Variants in G3BP2 observed in about 807,000 individuals in gnomAD.
The protein encoded by G3BP2 is G3BP stress granule assembly factor 2.
A neutral mutation model predicts 56.7 loss-of-function variants in G3BP2; 11 were observed. The ratio of observed to expected loss-of-function variants is 0.19; its 90% CI spans 0.12 to 0.32. G3BP2 has a LOEUF of 0.32. Among genes scored for constraint, G3BP2 ranks in the 10% least tolerant of loss-of-function variants. The pLI, the probability that G3BP2 is intolerant of heterozygous loss-of-function variation, is 1.00. For synonymous variants in G3BP2, 165 were observed against 191.6 expected (o/e 0.86, Z 1.15); for missense variants, 340 against 610.9 (o/e 0.56, Z 4.67).
intron 3 of G3BP2, among the ~76,000 whole-genome samples, chr4:75,682,908 T>C (rs6531841): frequency 0.87 from 131,253 of 151,616 alleles, 56,835 homozygotes; most frequent in East Asian, 0.92. Flanking sequence ...TGCTTGAACC[T>C]GGGAGGCAGA....
intron 3 of G3BP2, among the ~76,000 whole-genome samples, chr4:75,720,264 CA>C (rs1720108269): frequency 6.6e-6 from 1 of 151,174 alleles, no homozygotes; most frequent in African/African-American, 2.4e-5. Flanking sequence ...CCTGTAATCC[CA>C]GCACTCTGGG....
intron 3 of G3BP2, among the ~76,000 whole-genome samples, chr4:75,715,901 T>G (rs1719909491): frequency 6.6e-6 from 1 of 152,014 alleles, no homozygotes; most frequent in South Asian, 2.1e-4. Flanking sequence ...AGTATAGTCA[T>G]TTTTCTCTGA....
chr4:75,687,459 G>A (rs1167400698), intron 3 of G3BP2, among the ~76,000 whole-genome samples: 2 of 152,108 alleles, frequency 1.3e-5, no homozygotes, highest in East Asian at 1.9e-4. Flanking sequence ...TCCCAGGTAT[G>A]TCTTTACCAG....
At chr4:75,656,644 G>A (rs1732139758) in intron 5 of G3BP2, among the ~76,000 whole-genome samples, 1 of 152,106 alleles carries the variant, frequency 6.6e-6, no homozygotes, top group Non-Finnish European at 1.5e-5. Flanking sequence ...ATGTTGCCAA[G>A]TATAGAATCC....
intron 1 of G3BP2, among the ~76,000 whole-genome samples, chr4:75,668,131 AGAGTG>A (rs1434354662): frequency 3.3e-5 from 5 of 152,192 alleles, no homozygotes; most frequent in African/African-American, 9.7e-5. Flanking sequence ...ACATTGAGAG[AGAGTG>A]GAGTATTGGT....
At chr4:75,724,180 T>A (rs1414151386) in intron 1 of G3BP2, 3 of 152,670 alleles carry the variant, frequency 2.0e-5, no homozygotes, top group Non-Finnish European at 4.4e-5. Context: ...CAAAGCCCTG[T>A]AAAGAAATGC....
At chr4:75,683,495 T>TG (rs1185634532) in intron 3 of G3BP2, among the ~76,000 whole-genome samples, 2 of 150,458 alleles carry the variant, frequency 1.3e-5, no homozygotes, top group Non-Finnish European at 3.0e-5. Flanking sequence ...ACCTGGGAGG[T>TG]GGAGGTTGCA....
intron 1 of G3BP2, among the ~76,000 whole-genome samples, chr4:75,670,954 G>A (rs976785595): frequency 1.3e-5 from 2 of 152,106 alleles, no homozygotes; most frequent in Non-Finnish European, 2.9e-5. Flanking sequence ...GAATACAGCA[G>A]GACAGCAACA....
intron 3 of G3BP2, among the ~76,000 whole-genome samples, chr4:75,719,439 A>G (rs1381685718): frequency 6.6e-6 from 1 of 152,098 alleles, no homozygotes; most frequent in Non-Finnish European, 1.5e-5. Context: ...TGTTTCAAGT[A>G]CTAAGTAATA....
intron 3 of G3BP2, 99 bp from the exon 4 acceptor site, chr4:75,657,829 T>C: frequency 1.4e-6 from 1 of 726,342 alleles, no homozygotes; most frequent in Non-Finnish European, 2.3e-6. Flanking sequence ...AACTCTGCAA[T>C]ATTAACTAAT....
chr4:75,703,394 A>T (rs1038310739), intron 3 of G3BP2, among the ~76,000 whole-genome samples: 4 of 152,034 alleles, frequency 2.6e-5, no homozygotes, highest in African/African-American at 9.7e-5. Context: ...CCCAATCCAC[A>T]CCACTTACCC....
intron 3 of G3BP2, among the ~76,000 whole-genome samples, chr4:75,700,749 A>G (rs183590025): frequency 2.0e-5 from 3 of 151,796 alleles, no homozygotes; most frequent in Admixed American, 6.6e-5. Context: ...TTAAAAAAAA[A>G]AAGAAAAAGA....
chr4:75,693,715 GGA>G (rs1718973327), intron 3 of G3BP2, among the ~76,000 whole-genome samples: 1 of 151,716 alleles, frequency 6.6e-6, no homozygotes, highest in Non-Finnish European at 1.5e-5. Flanking sequence ...CTTGAACCCG[GGA>G]GGCAGAGTTT....
Position 75,648,699 on chromosome 4 carries a change from G to C in G3BP2, c.868C>G (p.Arg290Gly). 1 of 1,608,864 alleles carries C rather than the reference G, an allele frequency of 6.2e-7. No homozygotes were observed. Among genetic ancestry groups the C allele is most frequent in the Non-Finnish European group, 8.5e-7 (1 of 1,175,880 alleles). The change falls in exon 9 of 12, where the codon CGT (arginine) becomes GGT (glycine). Residue 290 changes from arginine to glycine, a missense_variant. Physicochemically the swap from Arg to Gly is moderately radical, Grantham distance 125. This residue lies in a region of G3BP2 where 224 missense variants were observed against 332.5 expected (regional missense o/e 0.67). Transcript: ENST00000359707. ...AKPEVQSQPP[R>G]VREQRPRERP... ...TCTCTAGGTCGTTGTTCACGCACAC[G>C]AGGTGGCTGAGATTGAACTTCTGGT...
chr4:75,648,922 G>C, intron 8 of G3BP2, 181 bp from the exon 9 acceptor site: 1 of 446,744 alleles, frequency 2.2e-6, no homozygotes, highest in South Asian at 4.7e-5. Flanking sequence ...ACCAATCTAG[G>C]ACTGTAGGTA....
intron 9 of G3BP2, among the ~76,000 whole-genome samples, chr4:75,647,727 A>G (rs1264321732): frequency 6.6e-6 from 1 of 152,208 alleles, no homozygotes; most frequent in Non-Finnish European, 1.5e-5. Context: ...ACATAAAAGA[A>G]GCTCAGAATT....
chr4:75,713,768 G>A (rs1005607208), intron 3 of G3BP2, among the ~76,000 whole-genome samples: 7 of 152,106 alleles, frequency 4.6e-5, no homozygotes, highest in Admixed American at 1.3e-4. Context: ...CAGCCCAGGC[G>A]ACACAGTAAG....
At chr4:75,661,429 A>AGCCTC (rs1398805501) in intron 2 of G3BP2, 1 of 151,194 alleles carries the variant, frequency 6.6e-6, no homozygotes, top group Non-Finnish European at 1.5e-5. Flanking sequence ...CACTGTGTCC[A>AGCCTC]GCCTCATGTA....
chr4:75,652,045 G>T (rs1182843055), intron 8 of G3BP2, among the ~76,000 whole-genome samples: 1 of 152,138 alleles, frequency 6.6e-6, no homozygotes, highest in East Asian at 1.9e-4. Context: ...GAAATATCAT[G>T]AATCCATTTT....
Sources: allele counts gnomAD v4.1 joint callset (sites outside exome capture counted in the v4.1 genomes callset), GRCh38; gene constraint gnomAD v4.1.1; regional missense constraint gnomAD v4.1.1; transcripts MANE v1.5; gene names NCBI Gene and HGNC (gene_info 2026-07-23, HGNC 2026-07-21).